Variants in DPH6 observed in about 807,000 individuals in gnomAD.
DPH6 encodes diphthine--ammonia ligase.
A neutral mutation model predicts 38.2 loss-of-function variants in DPH6; 33 were observed. The observed-to-expected ratio is 0.86, with a 90% confidence interval of 0.65 to 1.15. The LOEUF is 1.15. Among genes scored for constraint, DPH6 ranks in the 50% most tolerant of loss-of-function variants. The pLI is 0.00. For missense variants in DPH6, 325 were observed against 320.0 expected (o/e 1.02, Z -0.12); for synonymous variants, 108 against 103.0 (o/e 1.05, Z -0.30).
rs1595451621 is a variant in DPH6, at chr15:35,262,454, C to T, written n.201-41872G>A. 3.3e-5 allele frequency among the ~76,000 whole-genome samples: 5 copies of T among 152,108 alleles called. No homozygotes were observed. In the South Asian group the frequency reaches 8.3e-4, roughly 25 times the overall value. ...GGGTGCAGTGGCTCACGCCTGTAAT[C>T]CCAGCACTTTGGGAGGCCGAGGCAG... On this transcript the variant is annotated intron_variant and non_coding_transcript_variant, in intron 3 of 3. Coordinates refer to the DPH6 transcript ENST00000560386.
the DPH6 span, among the ~76,000 whole-genome samples, chr15:35,154,468 C>T: frequency 6.6e-6 from 1 of 152,046 alleles, no homozygotes; most frequent in African/African-American, 2.4e-5. Flanking sequence ...TGCATGTAGC[C>T]CTGTATCTGG....
intron 3 of DPH6, among the ~76,000 whole-genome samples, chr15:35,313,598 A>T (rs1006731030): frequency 2.6e-5 from 4 of 152,072 alleles, no homozygotes; most frequent in African/African-American, 9.7e-5. Flanking sequence ...ATTCGTATCT[A>T]TTGCAAATGA....
At chr15:35,533,856 G>T (rs1426925454) in intron 3 of DPH6, among the ~76,000 whole-genome samples, 2 of 152,012 alleles carry the variant, frequency 1.3e-5, no homozygotes, top group Admixed American at 6.6e-5. Flanking sequence ...TCTACTGTTT[G>T]CATGGAAGAG....
intron 3 of DPH6, among the ~76,000 whole-genome samples, chr15:35,477,370 TA>T (rs2054275357): frequency 6.6e-6 from 1 of 151,796 alleles, no homozygotes. Flanking sequence ...CAACACGAAA[TA>T]TTTTTTGAAG....
At chr15:35,407,833 G>A (rs2053314642) in intron 6 of DPH6, among the ~76,000 whole-genome samples, 2 of 151,966 alleles carry the variant, frequency 1.3e-5, no homozygotes, top group African/African-American at 2.4e-5. Context: ...GCCTGAAAAG[G>A]TGGATAGGAT....
chr15:35,380,717 G>A (rs527561314), intron 7 of DPH6, among the ~76,000 whole-genome samples: 92 of 152,106 alleles, frequency 6.0e-4, no homozygotes, highest in African/African-American at 2.2e-3. Context: ...GGATCATCAT[G>A]GGCAAAATAA....
At chr15:35,243,323 C>T (rs979468582) in intron 3 of DPH6, among the ~76,000 whole-genome samples, 42 of 141,802 alleles carry the variant, frequency 3.0e-4, no homozygotes, top group African/African-American at 1.0e-3. Flanking sequence ...TCTCTCCATA[C>T]CACCCCCCAA....
At chr15:35,466,150 C>G (rs910058928) in intron 3 of DPH6, among the ~76,000 whole-genome samples, 3 of 152,058 alleles carry the variant, frequency 2.0e-5, no homozygotes, top group Non-Finnish European at 4.4e-5. Context: ...GTTCAGTGAT[C>G]CTGCCACTGG....
At chr15:35,492,932 T>C (rs895778089) in intron 3 of DPH6, among the ~76,000 whole-genome samples, 3 of 152,170 alleles carry the variant, frequency 2.0e-5, no homozygotes, top group African/African-American at 4.8e-5. Flanking sequence ...AGTATTTTGG[T>C]TTACTAGACA....
intron 5 of DPH6, among the ~76,000 whole-genome samples, chr15:35,439,589 G>T (rs987693404): frequency 6.6e-6 from 1 of 152,104 alleles, no homozygotes; most frequent in Non-Finnish European, 1.5e-5. Flanking sequence ...AATAAAAACC[G>T]CTTGGGAAAA....
At chr15:35,282,174 CT>C (rs776316867) in intron 3 of DPH6, among the ~76,000 whole-genome samples, 6 of 151,958 alleles carry the variant, frequency 3.9e-5, no homozygotes, top group Non-Finnish European at 7.4e-5. Context: ...AATAGTTTTT[CT>C]TTTTGTTTTT....
chr15:35,381,481 C>T (rs760783390), intron 7 of DPH6, among the ~76,000 whole-genome samples: 9 of 152,076 alleles, frequency 5.9e-5, no homozygotes, highest in Non-Finnish European at 8.8e-5. Context: ...GGCAGTTTAT[C>T]AAATGTAGCT....
intron 3 of DPH6, among the ~76,000 whole-genome samples, chr15:35,481,273 C>A (rs1047556163): frequency 2.6e-5 from 4 of 152,118 alleles, no homozygotes; most frequent in Non-Finnish European, 5.9e-5. Context: ...AAGAACAAAG[C>A]AACACATTGC....
At chr15:35,207,285 G>A in the DPH6 span, among the ~76,000 whole-genome samples, 1 of 151,596 alleles carries the variant, frequency 6.6e-6, no homozygotes, top group Non-Finnish European at 1.5e-5. Flanking sequence ...TGGGCTCAAG[G>A]GATCCTCCCA....
At chr15:35,431,995 A>G (rs1000850708) in intron 5 of DPH6, among the ~76,000 whole-genome samples, 5 of 152,126 alleles carry the variant, frequency 3.3e-5, no homozygotes, top group Non-Finnish European at 7.3e-5. Context: ...ATCAATACTT[A>G]CTATGACTCA....
chr15:35,237,428 G>C, intron 3 of DPH6: 1 of 1,605,832 alleles, frequency 6.2e-7, no homozygotes, highest in Non-Finnish European at 8.5e-7. Flanking sequence ...AGGCAAACTC[G>C]AAGGCCTCAC....
chr15:35,263,553 C>T (rs1342174346), intron 3 of DPH6, among the ~76,000 whole-genome samples: 1 of 151,742 alleles, frequency 6.6e-6, no homozygotes, highest in Non-Finnish European at 1.5e-5. Context: ...CAGGCATCCA[C>T]CACGTCACTT....
intron 3 of DPH6, among the ~76,000 whole-genome samples, chr15:35,526,924 T>C (rs557305174): frequency 6.6e-6 from 1 of 152,278 alleles, no homozygotes; most frequent in Non-Finnish European, 1.5e-5. Context: ...TACATGTCTC[T>C]TGGAAGGCTG....
intron 3 of DPH6, among the ~76,000 whole-genome samples, chr15:35,325,468 C>T (rs1044338493): frequency 4.6e-5 from 7 of 152,012 alleles, no homozygotes; most frequent in Admixed American, 1.3e-4. Flanking sequence ...CTGCAGAACC[C>T]GGGAGAAAGA....
Sources: gnomAD v4.1 joint callset for allele counts (sites outside exome capture counted in the v4.1 genomes callset) on GRCh38, gnomAD v4.1.1 for gene constraint, MANE v1.5 for transcripts, NCBI Gene and HGNC (gene_info 2026-07-23, HGNC 2026-07-21) for gene names.